NT5DC1: variants seen among roughly 807,000 people sequenced by gnomAD.
NT5DC1 encodes the protein 5'-nucleotidase domain containing 1.
Under a neutral mutation model 59.4 loss-of-function variants are expected in NT5DC1, and 42 were observed. The ratio of observed to expected loss-of-function variants is 0.71; its 90% CI spans 0.55 to 0.92. The LOEUF (loss-of-function observed/expected upper bound fraction) is 0.92. Ranked by LOEUF, NT5DC1 falls within the 40% of genes least tolerant of loss-of-function variation. NT5DC1 has a pLI of 0.00. For missense variants in NT5DC1, 501 were observed against 537.1 expected (o/e 0.93, Z 0.66); for synonymous variants, 172 against 188.1 (o/e 0.91, Z 0.70).
At chr6:116,205,444 A>G (rs923771087) in intron 6 of NT5DC1, among the ~76,000 whole-genome samples, 1 of 148,632 alleles carries the variant, frequency 6.7e-6, no homozygotes, top group African/African-American at 2.6e-5. Flanking sequence ...TTAACCTTAG[A>G]AAGATAATTT....
intron 6 of NT5DC1, among the ~76,000 whole-genome samples, chr6:116,155,846 G>A (rs1463643366): frequency 6.6e-6 from 1 of 151,594 alleles, no homozygotes; most frequent in Non-Finnish European, 1.5e-5. Context: ...CAGATACAGA[G>A]CTTATACATT....
intron 6 of NT5DC1, among the ~76,000 whole-genome samples, chr6:116,148,862 G>C (rs1237538546): frequency 6.6e-6 from 1 of 152,048 alleles, no homozygotes; most frequent in African/African-American, 2.4e-5. Flanking sequence ...GAAAATAAGG[G>C]TCTAGCCAAA....
intron 6 of NT5DC1, among the ~76,000 whole-genome samples, chr6:116,127,966 A>G (rs572799224): frequency 1.3e-5 from 2 of 152,060 alleles, no homozygotes; most frequent in Non-Finnish European, 2.9e-5. Context: ...AGTTTGGACT[A>G]GGTGGTTTCT....
At chr6:116,107,316 A>G (rs964877829) in intron 2 of NT5DC1, among the ~76,000 whole-genome samples, 4 of 150,822 alleles carry the variant, frequency 2.7e-5, no homozygotes, top group Non-Finnish European at 5.9e-5. Flanking sequence ...ATGTTACTAT[A>G]TGAAATTACT....
intron 6 of NT5DC1, among the ~76,000 whole-genome samples, chr6:116,165,797 G>A (rs117292505): frequency 1.3e-5 from 2 of 152,330 alleles, no homozygotes; most frequent in African/African-American, 4.8e-5. Context: ...CCAGGGACCT[G>A]CTGGTCCCCT....
At chr6:116,109,119 A>G (rs935084947) in intron 3 of NT5DC1, among the ~76,000 whole-genome samples, 5 of 152,210 alleles carry the variant, frequency 3.3e-5, no homozygotes, top group Non-Finnish European at 7.3e-5. Flanking sequence ...TTTTTTCTCC[A>G]GTACTAATAG....
At chr6:116,233,163 A>G (rs1033069954) in intron 8 of NT5DC1, among the ~76,000 whole-genome samples, 2 of 152,222 alleles carry the variant, frequency 1.3e-5, no homozygotes, top group Non-Finnish European at 2.9e-5. Flanking sequence ...AAATGTTTTC[A>G]ATTAATACAT....
At chr6:116,222,271 A>G (rs2114542132) in intron 7 of NT5DC1, among the ~76,000 whole-genome samples, 1 of 152,308 alleles carries the variant, frequency 6.6e-6, no homozygotes, top group East Asian at 1.9e-4. Flanking sequence ...TAGTGGGCCC[A>G]TGCTTTAAAA....
rs147386614 is a variant in NT5DC1 at position 116,140,947 on chromosome 6, T to C, written c.529+23002T>C. Among the ~76,000 whole-genome samples the C allele has an allele frequency of 8.7e-3, 1,327 of 152,302 alleles. 21 individuals are homozygous for C. The highest frequency in any genetic ancestry group is 0.03 in the African/African-American group (1,266 of 41,548). ...TTCTTGTACATGTTTCCTGGCTGCA[T>C]GCAAAAGAATCTTTCTAGGAAGTAT... On this transcript the variant is annotated intron_variant, in intron 6 of 11. Coordinates refer to ENST00000319550, the MANE Select transcript of NT5DC1 (RefSeq NM_152729.3).
At chr6:116,160,674 T>C (rs929219430) in intron 6 of NT5DC1, among the ~76,000 whole-genome samples, 2 of 152,224 alleles carry the variant, frequency 1.3e-5, no homozygotes, top group Non-Finnish European at 2.9e-5. Context: ...TGTTGAGGTC[T>C]TCGTCATAAA....
intron 2 of NT5DC1, among the ~76,000 whole-genome samples, chr6:116,107,990 A>G (rs1778799639): frequency 6.6e-6 from 1 of 150,452 alleles, no homozygotes; most frequent in East Asian, 1.9e-4. Context: ...TAGAATATAA[A>G]TGTGTGTGTG....
At chr6:116,104,870 T>G (rs955878686) in intron 1 of NT5DC1, among the ~76,000 whole-genome samples, 3 of 152,196 alleles carry the variant, frequency 2.0e-5, no homozygotes, top group Admixed American at 2.0e-4. Context: ...AATAAAAATC[T>G]GTAAAACATG....
chr6:116,167,379 A>G (rs572772975), intron 6 of NT5DC1, among the ~76,000 whole-genome samples: 1 of 151,746 alleles, frequency 6.6e-6, no homozygotes, highest in African/African-American at 2.4e-5. Context: ...CTGCCGGCTA[A>G]TTTTTTGTAT....
intron 6 of NT5DC1, among the ~76,000 whole-genome samples, chr6:116,205,124 G>A (rs1275805867): frequency 6.6e-6 from 1 of 151,884 alleles, no homozygotes; most frequent in African/African-American, 2.4e-5. Context: ...TTCTGGTTAG[G>A]CCGGTAAAAC....
chr6:116,144,152 T>C (rs1363868055), intron 6 of NT5DC1, among the ~76,000 whole-genome samples: 1 of 152,144 alleles, frequency 6.6e-6, no homozygotes, highest in Non-Finnish European at 1.5e-5. Flanking sequence ...TTTATGTAAT[T>C]GGAATCCTTT....
At chr6:116,187,737 A>G (rs1781033259) in intron 6 of NT5DC1, among the ~76,000 whole-genome samples, 1 of 152,126 alleles carries the variant, frequency 6.6e-6, no homozygotes, top group Non-Finnish European at 1.5e-5. Flanking sequence ...ACAAATATGA[A>G]AGGCAAATCA....
chr6:116,140,854 G>T (rs1399095788), intron 6 of NT5DC1, among the ~76,000 whole-genome samples: 1 of 152,120 alleles, frequency 6.6e-6, no homozygotes, highest in Non-Finnish European at 1.5e-5. Flanking sequence ...TTACAATGGT[G>T]TGAGTTTATC....
chr6:116,213,807 A>G (rs1781634881), intron 6 of NT5DC1, among the ~76,000 whole-genome samples: 1 of 152,094 alleles, frequency 6.6e-6, no homozygotes, highest in Non-Finnish European at 1.5e-5. Flanking sequence ...CTGCAAAAGG[A>G]TCAGAAAGAG....
At chr6:116,228,291 C>G (rs992155336) in intron 8 of NT5DC1, among the ~76,000 whole-genome samples, 3 of 152,190 alleles carry the variant, frequency 2.0e-5, no homozygotes, top group African/African-American at 7.2e-5. Context: ...GACGAATCAC[C>G]TGAGGTCAGG....
Sources: allele counts gnomAD v4.1 joint callset (sites outside exome capture counted in the v4.1 genomes callset), GRCh38; gene constraint gnomAD v4.1.1; transcripts MANE v1.5; gene names NCBI Gene and HGNC (gene_info 2026-07-23, HGNC 2026-07-21).